SCN11A: variants seen among roughly 807,000 people sequenced by gnomAD.
The protein encoded by SCN11A is sodium voltage-gated channel alpha subunit 11.
A neutral mutation model predicts 162.2 loss-of-function variants in SCN11A; 122 were observed. The observed-to-expected ratio is 0.75, with a 90% CI of 0.65 to 0.87. The LOEUF (loss-of-function observed/expected upper bound fraction) is 0.87. SCN11A is among the 40% of genes least tolerant of loss of function. The probability of loss-of-function intolerance (pLI) is 0.00; values close to 1 mark genes in which losing one functional copy is unlikely to be tolerated. For synonymous variants in SCN11A, 758 were observed against 751.5 expected (o/e 1.01, Z -0.14); for missense variants, 2,015 against 2,181.6 (o/e 0.92, Z 1.52).
intron 1 of SCN11A, among the ~76,000 whole-genome samples, chr3:39,046,001 T>C (rs2032172492): frequency 6.6e-6 from 1 of 152,172 alleles, no homozygotes; most frequent in Non-Finnish European, 1.5e-5. Flanking sequence ...GTCTCACTCC[T>C]GTAATCCCAA....
intron 2 of SCN11A, among the ~76,000 whole-genome samples, chr3:38,996,707 T>G (rs1408118433): frequency 6.6e-6 from 1 of 152,188 alleles, no homozygotes; most frequent in Non-Finnish European, 1.5e-5. Flanking sequence ...TCTTCCCTCC[T>G]GCGGTATATT....
rs1553633168 is a variant in SCN11A, at chr3:38,867,455, C to A, written c.3817G>T (p.Glu1273Ter). The A allele has an allele frequency of 3.8e-6, 6 of 1,590,808 alleles. No individual in the cohort carries two copies. The highest frequency in any genetic ancestry group is 5.1e-6 in the Non-Finnish European group (6 of 1,173,350). Reference protein sequence around the residue: ...IYAAVDSTEKEQQPEFESNSL... With the variant: ...IYAAVDSTEK ...TTGCTCTCAAACTCTGGCTGTTGTT[C>A]TTTCTGTTAGAAATTTTTTTAATAA... Residue 1273 changes from glutamate to a stop codon, truncating the protein, a stop_gained, in exon 27 of 30, where the codon GAA becomes TAA. Coordinates refer to ENST00000302328, the MANE Select transcript of SCN11A (RefSeq NM_001349253.2). LOFTEE classifies it high-confidence loss of function.
At chr3:39,018,714 A>C (rs1332122275) in intron 2 of SCN11A, among the ~76,000 whole-genome samples, 1 of 152,076 alleles carries the variant, frequency 6.6e-6, no homozygotes, top group Non-Finnish European at 1.5e-5. Context: ...GCTACTTGGG[A>C]GGCTGAGGCA....
chr3:38,866,328 C>A lies in SCN11A; in HGVS notation c.3951+993G>T, dbSNP rs140929074. The stretch of plus-strand genomic sequence containing the variant: ...CTGCCTCCCAGGTTCAAGCAATTCT[C>A]CTGCCTCAGCCTCCCAAGTAGCTGG... On this transcript the variant is annotated intron_variant, in intron 27 of 29. Transcript: ENST00000302328. Among the ~76,000 whole-genome samples the A allele has an allele frequency of 5.2e-3, 798 of 152,158 alleles. 5 individuals are homozygous for A. Among genetic ancestry groups the A allele is most frequent in the African/African-American group, 0.018 (763 of 41,520 alleles).
intron 2 of SCN11A, among the ~76,000 whole-genome samples, chr3:38,961,991 T>C (rs560543268): frequency 2.7e-4 from 41 of 152,396 alleles, no homozygotes; most frequent in Admixed American, 6.5e-4. Context: ...AGAATTTTTA[T>C]AGTTTCAGGC....
intron 26 of SCN11A, among the ~76,000 whole-genome samples, chr3:38,868,009 T>A (rs1205183960): frequency 6.6e-6 from 1 of 152,174 alleles, no homozygotes; most frequent in African/African-American, 2.4e-5. Flanking sequence ...GGAATAAATA[T>A]CTAAATGAAT....
chr3:39,026,597 G>T (rs928068773), intron 2 of SCN11A, among the ~76,000 whole-genome samples: 1 of 152,182 alleles, frequency 6.6e-6, no homozygotes, highest in Non-Finnish European at 1.5e-5. Context: ...TATTGCAATA[G>T]GGAAAGAGAG....
At chr3:39,014,039 C>T (rs1300586408) in intron 2 of SCN11A, among the ~76,000 whole-genome samples, 1 of 152,214 alleles carries the variant, frequency 6.6e-6, no homozygotes, top group Non-Finnish European at 1.5e-5. Context: ...TTCCATAATA[C>T]CTTTGCCTTC....
intron 2 of SCN11A, among the ~76,000 whole-genome samples, chr3:38,996,215 A>T (rs1233687779): frequency 6.6e-6 from 1 of 152,210 alleles, no homozygotes; most frequent in African/African-American, 2.4e-5. Context: ...CTACTCTTAG[A>T]CACATATAAA....
chr3:39,029,131 C>T (rs767629673), intron 2 of SCN11A, among the ~76,000 whole-genome samples: 3 of 151,940 alleles, frequency 2.0e-5, no homozygotes, highest in South Asian at 2.1e-4. Flanking sequence ...GTTAATATAC[C>T]GGTAGGTAAA....
intron 28 of SCN11A, among the ~76,000 whole-genome samples, chr3:38,855,363 G>A (rs191804082): frequency 4.9e-4 from 74 of 152,254 alleles, no homozygotes; most frequent in Non-Finnish European, 9.1e-4. Flanking sequence ...AGTGGTTATG[G>A]CAAGCCCCAC....
chr3:38,867,265 A>T, intron 27 of SCN11A, 56 bp downstream of exon 27: 1 of 1,498,828 alleles, frequency 6.7e-7, no homozygotes, highest in Non-Finnish European at 9.2e-7. Flanking sequence ...ATGTTTTGTT[A>T]ATGCATTTGG....
At chr3:38,902,639 T>A (rs912742569) in intron 16 of SCN11A, among the ~76,000 whole-genome samples, 6 of 152,014 alleles carry the variant, frequency 3.9e-5, no homozygotes, top group Middle Eastern at 3.4e-3. Context: ...AGCCTCAGCC[T>A]CCTGAGTAGT....
At chr3:38,939,936 TG>T (rs1481922241) in intron 7 of SCN11A, among the ~76,000 whole-genome samples, 2 of 150,402 alleles carry the variant, frequency 1.3e-5, no homozygotes, top group African/African-American at 4.9e-5. Flanking sequence ...ATGGGAAAGA[TG>T]GGGAGGAGCC....
intron 11 of SCN11A, among the ~76,000 whole-genome samples, chr3:38,915,238 T>C (rs898475000): frequency 2.6e-5 from 4 of 151,974 alleles, no homozygotes; most frequent in Non-Finnish European, 4.4e-5. Context: ...GTTTGTGTGC[T>C]TAGAGGTGTT....
chr3:38,985,124 CTGTCT>C (rs200480576), intron 2 of SCN11A, among the ~76,000 whole-genome samples: 8 of 137,654 alleles, frequency 5.8e-5, no homozygotes, highest in East Asian at 5.8e-4. Flanking sequence ...TTCTGGCTGG[CTGTCT>C]TTTTTTTTTT....
intron 1 of SCN11A, among the ~76,000 whole-genome samples, chr3:39,039,745 A>G (rs959432488): frequency 5.9e-5 from 9 of 152,016 alleles, no homozygotes; most frequent in African/African-American, 2.2e-4. Flanking sequence ...AGGCTGCCTT[A>G]TGCATGGGCA....
At chr3:38,974,694 C>CAAAAAAAAAAAAAAAAA (rs773028321) in intron 2 of SCN11A, among the ~76,000 whole-genome samples, 1 of 48,142 alleles carries the variant, frequency 2.1e-5, no homozygotes, top group Non-Finnish European at 4.7e-5. Context: ...GACTCCGTCT[C>CAAAAAAAAAAAAAAAAA]AAAAAAAAAA....
chr3:38,955,469 A>G (rs1235562750), intron 3 of SCN11A, among the ~76,000 whole-genome samples: 10 of 152,238 alleles, frequency 6.6e-5, no homozygotes, highest in Non-Finnish European at 1.5e-4. Context: ...AAGTAAACTC[A>G]GGAAAATTCG....
Sources: gnomAD v4.1 joint callset for allele counts (sites outside exome capture counted in the v4.1 genomes callset) on GRCh38, gnomAD v4.1.1 for gene constraint, MANE v1.5 for transcripts, NCBI Gene and HGNC (gene_info 2026-07-23, HGNC 2026-07-21) for gene names.